The following FGF12 variants were observed in gnomAD, a reference collection of about 807,000 sequenced individuals.
FGF12 encodes fibroblast growth factor 12, also known as fibroblast growth factor 12B.
Under a neutral mutation model 23.6 loss-of-function variants are expected in FGF12, and 14 were observed. The observed-to-expected ratio is 0.59, with a 90% CI of 0.39 to 0.93. The LOEUF (loss-of-function observed/expected upper bound fraction) is 0.93, where lower values mean the gene tolerates loss of function less well. FGF12 is among the 40% of genes least tolerant of loss of function. The pLI, the probability that FGF12 is intolerant of heterozygous loss-of-function variation, is 0.00. For synonymous variants in FGF12, 62 were observed against 77.3 expected (o/e 0.80, Z 1.04); for missense variants, 175 against 217.8 (o/e 0.80, Z 1.24).
chr3:192,553,118 G>T (rs1304558907), intron 2 of FGF12, among the ~76,000 whole-genome samples: 1 of 152,008 alleles, frequency 6.6e-6, no homozygotes, highest in Non-Finnish European at 1.5e-5. Flanking sequence ...GTTATTAATG[G>T]TTCTTCAAAC....
intron 4 of FGF12, among the ~76,000 whole-genome samples, chr3:192,253,808 A>G (rs537971366): frequency 4.6e-5 from 7 of 152,230 alleles, no homozygotes; most frequent in African/African-American, 1.7e-4. Flanking sequence ...GAAATGAATC[A>G]TGTATTATTG....
chr3:192,158,078 G>T (rs1183473284), intron 5 of FGF12, among the ~76,000 whole-genome samples: 5 of 152,168 alleles, frequency 3.3e-5, no homozygotes, highest in African/African-American at 1.2e-4. Context: ...TTGAGTATGT[G>T]TAAATATGCT....
intron 2 of FGF12, among the ~76,000 whole-genome samples, chr3:192,385,916 C>T (rs11919865): frequency 0.021 from 3,267 of 152,280 alleles, 119 homozygotes; most frequent in African/African-American, 0.074. Flanking sequence ...CAGACGTGGA[C>T]ATGCCTGGAG....
At chr3:192,474,072 G>C (rs1394585368) in intron 2 of FGF12, among the ~76,000 whole-genome samples, 1 of 152,116 alleles carries the variant, frequency 6.6e-6, no homozygotes, top group Admixed American at 6.5e-5. Flanking sequence ...CTTATGCATA[G>C]GGCAAATTAT....
chr3:192,169,794 C>T (rs1484848224), intron 5 of FGF12, among the ~76,000 whole-genome samples: 2 of 149,628 alleles, frequency 1.3e-5, no homozygotes, highest in Non-Finnish European at 3.0e-5. Context: ...TAAGGAATTT[C>T]TGAGGGAACA....
intron 2 of FGF12, among the ~76,000 whole-genome samples, chr3:192,489,833 T>C (rs1723746918): frequency 6.6e-6 from 1 of 151,210 alleles, no homozygotes; most frequent in African/African-American, 2.4e-5. Flanking sequence ...TATCAGAGGG[T>C]GGAGGCTGGG....
intron 4 of FGF12, among the ~76,000 whole-genome samples, chr3:192,291,206 T>A (rs1285052890): frequency 6.6e-6 from 1 of 152,204 alleles, no homozygotes; most frequent in Non-Finnish European, 1.5e-5. Flanking sequence ...TGTGTATATA[T>A]TTTTATAAAA....
At chr3:192,214,996 G>A (rs1473530005) in intron 4 of FGF12, among the ~76,000 whole-genome samples, 1 of 152,190 alleles carries the variant, frequency 6.6e-6, no homozygotes, top group African/African-American at 2.4e-5. Flanking sequence ...CCCCAGATCT[G>A]CTTAAGAGAG....
chr3:192,694,596 T>C (rs1259722045), intron 2 of FGF12, among the ~76,000 whole-genome samples: 1 of 151,952 alleles, frequency 6.6e-6, no homozygotes, highest in Non-Finnish European at 1.5e-5. Flanking sequence ...CGTACATATA[T>C]ACATATATAT....
chr3:192,146,970 G>A (rs1474047702), intron 5 of FGF12, among the ~76,000 whole-genome samples: 2 of 152,018 alleles, frequency 1.3e-5, no homozygotes, highest in South Asian at 2.1e-4. Context: ...TAAAATTAAC[G>A]GTTTTGAAAA....
chr3:192,189,270 A>G (rs1320855083), intron 4 of FGF12, among the ~76,000 whole-genome samples: 1 of 152,216 alleles, frequency 6.6e-6, no homozygotes, highest in Non-Finnish European at 1.5e-5. Context: ...GACAATATTA[A>G]TTAGATAATC....
At chr3:192,498,055 G>A (rs1252424886) in intron 2 of FGF12, among the ~76,000 whole-genome samples, 3 of 152,056 alleles carry the variant, frequency 2.0e-5, no homozygotes, top group Admixed American at 2.0e-4. Context: ...CCCATGACTC[G>A]GTGCACATTT....
chr3:192,428,784 C>T (rs148586596), intron 2 of FGF12, among the ~76,000 whole-genome samples: 1 of 152,196 alleles, frequency 6.6e-6, no homozygotes, highest in African/African-American at 2.4e-5. Context: ...AGCACCTTAG[C>T]TTTAGATGAA....
chr3:192,228,142 T>C (rs530460255), intron 4 of FGF12, among the ~76,000 whole-genome samples: 2 of 152,262 alleles, frequency 1.3e-5, no homozygotes, highest in Non-Finnish European at 2.9e-5. Context: ...AACAGTGGAT[T>C]TTAAATGTTC....
chr3:192,467,534 G>T (rs1358498169), intron 2 of FGF12, among the ~76,000 whole-genome samples: 1 of 146,364 alleles, frequency 6.8e-6, no homozygotes, highest in Non-Finnish European at 1.5e-5. Context: ...AAACGTGGAA[G>T]GTTATATGGA....
chr3:192,354,459 C>CAA (rs11399703), intron 3 of FGF12, among the ~76,000 whole-genome samples: 4 of 143,332 alleles, frequency 2.8e-5, no homozygotes, highest in African/African-American at 1.0e-4. Context: ...TAAAGCATGG[C>CAA]AAAAAAAAAT....
At chr3:192,533,258 T>C (rs1725139690) in intron 2 of FGF12, among the ~76,000 whole-genome samples, 1 of 152,188 alleles carries the variant, frequency 6.6e-6, no homozygotes, top group Non-Finnish European at 1.5e-5. Context: ...TTCTATAATA[T>C]CACTTCCCCC....
chr3:192,707,283 T>G (rs1426147165), intron 2 of FGF12, among the ~76,000 whole-genome samples: 1 of 152,174 alleles, frequency 6.6e-6, no homozygotes. Flanking sequence ...GGGGTGTAAC[T>G]AATGACAAGG....
chr3:192,566,817 C>T (rs1712313210), intron 2 of FGF12, among the ~76,000 whole-genome samples: 1 of 152,078 alleles, frequency 6.6e-6, no homozygotes, highest in South Asian at 2.1e-4. Flanking sequence ...AAATTTATGG[C>T]TAAAACTATT....
Sources: gnomAD v4.1 joint callset for allele counts (sites outside exome capture counted in the v4.1 genomes callset) on GRCh38, gnomAD v4.1.1 for gene constraint, MANE v1.5 for transcripts, NCBI Gene and HGNC (gene_info 2026-07-23, HGNC 2026-07-21) for gene names.